The following THSD4 variants were observed in gnomAD, a reference collection of about 807,000 sequenced individuals.
THSD4 encodes thrombospondin type-1 domain-containing protein 4.
Under a neutral mutation model 119.0 loss-of-function variants are expected in THSD4, and 69 were observed. The observed-to-expected ratio is 0.58, with a 90% CI of 0.48 to 0.71. The LOEUF is 0.71. Among genes scored for constraint, THSD4 ranks in the 30% least tolerant of loss-of-function variants. The pLI, the probability that THSD4 is intolerant of heterozygous loss-of-function variation, is 0.00. For synonymous variants in THSD4, 524 were observed against 540.4 expected (o/e 0.97, Z 0.42); for missense variants, 1,393 against 1,391.1 (o/e 1.00, Z -0.02).
intron 7 of THSD4, among the ~76,000 whole-genome samples, chr15:71,627,760 AT>A (rs539847130): frequency 2.0e-5 from 3 of 152,014 alleles, no homozygotes; most frequent in Non-Finnish European, 4.4e-5. Flanking sequence ...GTAAGGAGAG[AT>A]TTTTTCCAGT....
chr15:71,106,063 T>TG (rs1248734652), intron 1 of THSD4, among the ~76,000 whole-genome samples: 6 of 152,062 alleles, frequency 3.9e-5, no homozygotes, highest in Non-Finnish European at 5.9e-5. Flanking sequence ...ATCCGGGAAA[T>TG]GGGAGCCTGG....
At chr15:71,671,708 C>T (rs1249492560) in intron 8 of THSD4, among the ~76,000 whole-genome samples, 1 of 152,158 alleles carries the variant, frequency 6.6e-6, no homozygotes, top group Non-Finnish European at 1.5e-5. Context: ...ATATGGCTAG[C>T]CAGTTTTCCC....
In THSD4 at chr15:71,265,983, A is replaced by G. The variant is rs181279636; in HGVS notation, c.1015+9268A>G. 1.3e-3 allele frequency among the ~76,000 whole-genome samples: 202 copies of G among 152,254 alleles called. 2 individuals are homozygous for G. The highest frequency in any genetic ancestry group is 5.5e-3 in the Admixed American group (84 of 15,302). ...TCAGGGGCTTACAGACAAAATCCCC[A>G]TCTCCCTGGGACAGACCGCCTGGGG... On this transcript the variant is annotated intron_variant, in intron 6 of 17. Transcript: ENST00000261862.
At chr15:71,565,774 A>G (rs2049224798) in intron 7 of THSD4, among the ~76,000 whole-genome samples, 1 of 152,204 alleles carries the variant, frequency 6.6e-6, no homozygotes, top group Non-Finnish European at 1.5e-5. Context: ...ACCACAGGAC[A>G]TAAATTACAG....
chr15:71,101,498 T>G (rs2040253403), intron 1 of THSD4, among the ~76,000 whole-genome samples: 1 of 152,174 alleles, frequency 6.6e-6, no homozygotes, highest in Non-Finnish European at 1.5e-5. Flanking sequence ...TTTCCAGGTA[T>G]CTACCATTTC....
intron 7 of THSD4, among the ~76,000 whole-genome samples, chr15:71,447,508 C>G (rs2047202283): frequency 6.6e-6 from 1 of 152,194 alleles, no homozygotes; most frequent in Admixed American, 6.5e-5. Context: ...CTGACCACCT[C>G]TCTTCCTTTT....
upstream of THSD4, chr15:71,110,802 G>A: frequency 3.5e-6 from 1 of 283,578 alleles, no homozygotes; most frequent in South Asian, 5.2e-5. Flanking sequence ...GACTTTGGGT[G>A]ACTTTTCTCA....
chr15:71,774,542 T>C (rs1454478667), intron 17 of THSD4, among the ~76,000 whole-genome samples: 4 of 152,272 alleles, frequency 2.6e-5, no homozygotes, highest in South Asian at 4.1e-4. Context: ...TCTATCAAGA[T>C]ACAAAGATAT....
At chr15:71,692,289 C>A (rs1414227618) in intron 8 of THSD4, among the ~76,000 whole-genome samples, 1 of 152,204 alleles carries the variant, frequency 6.6e-6, no homozygotes, top group Admixed American at 6.5e-5. Context: ...TCAAGAATTA[C>A]ATAGCTTATG....
chr15:71,530,751 C>G (rs2048596144), intron 7 of THSD4, among the ~76,000 whole-genome samples: 1 of 152,022 alleles, frequency 6.6e-6, no homozygotes, highest in African/African-American at 2.4e-5. Flanking sequence ...CTCTCTTTCA[C>G]TCATATGGTC....
intron 6 of THSD4, among the ~76,000 whole-genome samples, chr15:71,358,423 C>T (rs2045851559): frequency 1.3e-5 from 2 of 152,204 alleles, no homozygotes; most frequent in South Asian, 4.1e-4. Context: ...ACAGAAATCC[C>T]ATTAGATAGG....
At chr15:71,610,985 G>A (rs1022720151) in intron 7 of THSD4, among the ~76,000 whole-genome samples, 2 of 152,164 alleles carry the variant, frequency 1.3e-5, no homozygotes, top group Admixed American at 6.5e-5. Flanking sequence ...AGAAGGACTG[G>A]GGTATGGAAA....
At chr15:71,447,255 G>A (rs2047198392) in intron 7 of THSD4, among the ~76,000 whole-genome samples, 1 of 151,352 alleles carries the variant, frequency 6.6e-6, no homozygotes, top group Admixed American at 6.6e-5. Flanking sequence ...CTAGTAGCTG[G>A]GACTACAGGC....
At chr15:71,389,807 G>GTTTTTTTTTTTTTTTTTT (rs1237701264) in intron 6 of THSD4, among the ~76,000 whole-genome samples, 1 of 46,252 alleles carries the variant, frequency 2.2e-5, no homozygotes, top group Non-Finnish European at 5.1e-5. Context: ...TATTTTCTGG[G>GTTTTTTTTTTTTTTTTTT]TTGTTTTTTT....
intron 8 of THSD4, among the ~76,000 whole-genome samples, chr15:71,718,949 C>A (rs999337004): frequency 2.0e-5 from 3 of 152,238 alleles, no homozygotes; most frequent in African/African-American, 7.2e-5. Context: ...TGTACCTTTA[C>A]AACCCCCAAT....
chr15:71,362,970 TA>T (rs11287381), intron 6 of THSD4, among the ~76,000 whole-genome samples: 30,395 of 134,790 alleles, frequency 0.23, 4,097 homozygotes, highest in African/African-American at 0.42. Flanking sequence ...GCTGATGAGC[TA>T]AAAAAAAAAA....
At chr15:71,327,922 G>GAA (rs2045367941) in intron 6 of THSD4, among the ~76,000 whole-genome samples, 1 of 152,220 alleles carries the variant, frequency 6.6e-6, no homozygotes, top group African/African-American at 2.4e-5. Flanking sequence ...AGCCGGGTCT[G>GAA]TGCAAGAATG....
chr15:71,471,211 C>T, intron 7 of THSD4, among the ~76,000 whole-genome samples: 1 of 152,124 alleles, frequency 6.6e-6, no homozygotes, highest in East Asian at 1.9e-4. Flanking sequence ...TGACACTCAA[C>T]CAGCTTCCCT....
At chr15:71,227,715 C>T (rs2044029891) in intron 4 of THSD4, among the ~76,000 whole-genome samples, 1 of 152,180 alleles carries the variant, frequency 6.6e-6, no homozygotes, top group East Asian at 1.9e-4. Context: ...GTGCAGGGTT[C>T]CCTGACTCTA....
Sources: gnomAD v4.1 joint callset for allele counts (sites outside exome capture counted in the v4.1 genomes callset) on GRCh38, gnomAD v4.1.1 for gene constraint, MANE v1.5 for transcripts, NCBI Gene and HGNC (gene_info 2026-07-23, HGNC 2026-07-21) for gene names.